Variants in KCNQ1 observed in about 807,000 individuals in gnomAD.
The protein encoded by KCNQ1 is potassium voltage-gated channel subfamily KQT member 1.
A neutral mutation model predicts 72.4 loss-of-function variants in KCNQ1; 49 were observed. That is an observed-to-expected ratio of 0.68 (90% CI 0.54 to 0.86). KCNQ1 has a LOEUF of 0.86. Among genes scored for constraint, KCNQ1 ranks in the 40% least tolerant of loss-of-function variants. The pLI is 0.00. For synonymous variants in KCNQ1, 450 were observed against 412.6 expected (o/e 1.09, Z -1.10); for missense variants, 790 against 945.1 (o/e 0.84, Z 2.15).
Position 2,572,148 on chromosome 11 carries a change from G to C in KCNQ1, c.780+39G>C, listed in dbSNP as rs377589749. ...GTTAGGGGTGCGGGGCCCAGGTTGG[G>C]GACAGGACGGAGGGAGCAGAGCAGC... On this transcript the variant is annotated intron_variant, in intron 5 of 15. Coordinates refer to ENST00000155840, the MANE Select transcript of KCNQ1 (RefSeq NM_000218.3). The C allele has an allele frequency of 7.8e-4, 1,155 of 1,486,206 alleles. 11 individuals are homozygous for C. In the African/African-American group the frequency reaches 0.014, roughly 18 times the overall value. 92.1% of individuals were successfully genotyped at this position (1,486,206 alleles called of 1,614,324 possible). A position where few individuals can be genotyped will look rare whatever the true frequency, so the allele number is the denominator to read the frequency against.
chr11:2,760,861 G>A (rs531661073), intron 11 of KCNQ1, among the ~76,000 whole-genome samples: 18 of 152,346 alleles, frequency 1.2e-4, no homozygotes, highest in Non-Finnish European at 2.1e-4. Flanking sequence ...GCATACAGTC[G>A]GACAGGTTGT....
chr11:2,525,174 GA>G (rs1444138919), intron 1 of KCNQ1, among the ~76,000 whole-genome samples: 1 of 152,210 alleles, frequency 6.6e-6, no homozygotes, highest in Non-Finnish European at 1.5e-5. Flanking sequence ...TAAGAACCTG[GA>G]GGGAACCCTG....
At chr11:2,847,490 G>A (rs1419403398) in intron 15 of KCNQ1, among the ~76,000 whole-genome samples, 1 of 152,222 alleles carries the variant, frequency 6.6e-6, no homozygotes, top group Non-Finnish European at 1.5e-5. Flanking sequence ...GAGAGCTCCT[G>A]GCCCTGAGCC....
At chr11:2,686,633 C>T (rs1850494477) in intron 11 of KCNQ1, 1 of 398,616 alleles carries the variant, frequency 2.5e-6, no homozygotes, top group Admixed American at 4.4e-5. Context: ...GCCCTCAGGC[C>T]CAGGCTGCAC....
Position 2,845,738 on chromosome 11 carries a change from G to A in KCNQ1, c.1795-2029G>A, listed in dbSNP as rs1848312925. Among the ~76,000 whole-genome samples the A allele has an allele frequency of 2.0e-5, 3 of 152,308 alleles. No homozygotes were observed. The South Asian group carries it at 6.2e-4, about 32-fold the overall frequency. Reference sequence around the variant, plus strand: ...ACTGCAGCCCCCACCACCCAGGGCTGGAAGTGGGTCCCCTGGGCTCCTGCT... The same window carrying A: ...ACTGCAGCCCCCACCACCCAGGGCTAGAAGTGGGTCCCCTGGGCTCCTGCT... On this transcript the variant is annotated intron_variant, in intron 15 of 15. Transcript: ENST00000155840.
Position 2,671,583 on chromosome 11 carries a change from C to A in KCNQ1, c.1514+9502C>A. 1 of 398,624 alleles carries A rather than the reference C, an allele frequency of 2.5e-6. No individual in the cohort carries two copies. Among genetic ancestry groups the A allele is most frequent in the Non-Finnish European group, 4.4e-6 (1 of 226,060 alleles). The allele number at this position is 398,624 out of a possible 1,614,324, so 24.7% of individuals were successfully genotyped here. A position where few individuals can be genotyped will look rare whatever the true frequency, so the allele number is the denominator to read the frequency against. On this transcript the variant is annotated intron_variant, in intron 11 of 15. Transcript: ENST00000155840. The surrounding 1 kb of genome is among the most constrained non-coding windows in gnomAD (Gnocchi z 4.7). ...AAGTCTTTGGCACTGAGCATTTATACAAGATCAGACTGCACTGCACCCTAA... is the reference window on the plus strand; with the variant it reads ...AAGTCTTTGGCACTGAGCATTTATAAAAGATCAGACTGCACTGCACCCTAA...
At chr11:2,736,156 G>A (rs988477727) in intron 11 of KCNQ1, among the ~76,000 whole-genome samples, 3 of 152,206 alleles carry the variant, frequency 2.0e-5, no homozygotes, top group Non-Finnish European at 2.9e-5. Context: ...AGGGGCCCAG[G>A]CTTCCTGCCT....
intron 11 of KCNQ1, among the ~76,000 whole-genome samples, chr11:2,716,284 C>T (rs762194480): frequency 4.6e-5 from 7 of 152,160 alleles, no homozygotes; most frequent in South Asian, 2.1e-4. Flanking sequence ...CAAGCTGAAG[C>T]GCCCACACCT....
rs963484650 is a variant in KCNQ1 at position 2,587,502 on chromosome 11, G to A, written c.1129-68G>A. On this transcript the variant is annotated intron_variant, in intron 8 of 15. Coordinates refer to ENST00000155840, the MANE Select transcript of KCNQ1 (RefSeq NM_000218.3). ...GCCTGGGGAACAGGGAGGGGGAGCTGTAGCTTCCATAAGGGCCCCCGCCGG... is the reference window on the plus strand; with the variant it reads ...GCCTGGGGAACAGGGAGGGGGAGCTATAGCTTCCATAAGGGCCCCCGCCGG... 29 of 1,605,336 alleles carry A rather than the reference G, an allele frequency of 1.8e-5. 1 individual carries two copies. The African/African-American group carries it at 2.5e-4, about 14-fold the overall frequency.
In KCNQ1 at chr11:2,477,476, G is replaced by C. The variant is rs1160236132; in HGVS notation, c.386+31992G>C. Among the ~76,000 whole-genome samples the C allele has an allele frequency of 2.0e-5, 3 of 152,126 alleles. No homozygotes were observed. Among genetic ancestry groups the C allele is most frequent in the African/African-American group, 7.2e-5 (3 of 41,408 alleles). On this transcript the variant is annotated intron_variant, in intron 1 of 15. Transcript: ENST00000155840. This position sits in a 1 kb window ranked among gnomAD's most constrained non-coding sequence, Gnocchi z 5.0. ...TGGGCAGGGTGCCCAGGTTAGCTGT[G>C]AACAAAGTGATCTCTCTGCTGCCTC...
In KCNQ1 at chr11:2,808,609, T is replaced by C. The variant is rs192901439; in HGVS notation, c.1794+30572T>C. On this transcript the variant is annotated intron_variant, in intron 15 of 15. Transcript: ENST00000155840. This position sits in a 1 kb window ranked among gnomAD's most constrained non-coding sequence, Gnocchi z 6.0. ...GTTGGTTGATTGAGTGATTGATTGATTGATAATCTTGGTTCTATTTGAATT... is the reference window on the plus strand; with the variant it reads ...GTTGGTTGATTGAGTGATTGATTGACTGATAATCTTGGTTCTATTTGAATT... 1.3e-5 allele frequency among the ~76,000 whole-genome samples: 2 copies of C among 152,318 alleles called. No homozygotes were observed. The highest frequency in any genetic ancestry group is 6.5e-5 in the Admixed American group (1 of 15,310).
At chr11:2,847,260 TTGC>T (rs1284421808) in intron 15 of KCNQ1, among the ~76,000 whole-genome samples, 2 of 152,336 alleles carry the variant, frequency 1.3e-5, no homozygotes, top group Admixed American at 1.3e-4. Context: ...TGAGCCAGCC[TTGC>T]TGAACTCTGC....
chr11:2,841,848 G>C (rs1848220086), intron 15 of KCNQ1, among the ~76,000 whole-genome samples: 1 of 152,202 alleles, frequency 6.6e-6, no homozygotes, highest in African/African-American at 2.4e-5. Context: ...TCAGCAGCAG[G>C]GGGAAGGGTC....
intron 10 of KCNQ1, among the ~76,000 whole-genome samples, chr11:2,604,153 A>C (rs902755493): frequency 1.3e-5 from 2 of 152,070 alleles, no homozygotes; most frequent in African/African-American, 4.8e-5. Flanking sequence ...TTGTGTGGAC[A>C]TGTGTTTTCA....
At position 2,777,683 on chromosome 11, in the gene KCNQ1, C is replaced by T. The variant is rs1200036221; in HGVS notation, c.1733-293C>T. The T allele has an allele frequency of 8.3e-6, 5 of 602,074 alleles. No individual in the cohort carries two copies. The Admixed American group carries it at 1.5e-4, about 18-fold the overall frequency. 37.3% of individuals were successfully genotyped at this position (602,074 alleles called of 1,614,324 possible). A position where few individuals can be genotyped will look rare whatever the true frequency, so the allele number is the denominator to read the frequency against. Reference sequence around the variant, plus strand: ...CGCCCTGGGAGTGGAATGGCATGGGCTTGCACAGCTGGCAGTGTGGCCAGC... The same window carrying T: ...CGCCCTGGGAGTGGAATGGCATGGGTTTGCACAGCTGGCAGTGTGGCCAGC... On this transcript the variant is annotated intron_variant, in intron 14 of 15. Coordinates refer to ENST00000155840, the MANE Select transcript of KCNQ1 (RefSeq NM_000218.3).
intron 15 of KCNQ1, among the ~76,000 whole-genome samples, chr11:2,790,618 C>A (rs1038431311): frequency 6.6e-6 from 1 of 152,270 alleles, no homozygotes; most frequent in East Asian, 1.9e-4. Flanking sequence ...AGCTCTGCCC[C>A]CTACACGCGA....
Position 2,541,495 on chromosome 11 carries a change from GGTTA to G in KCNQ1, c.477+13481_477+13484del, listed in dbSNP as rs1338139622. 6.6e-6 allele frequency among the ~76,000 whole-genome samples: 1 copy of G among 152,036 alleles called. No homozygotes were observed. The highest frequency in any genetic ancestry group is 2.4e-5 in the African/African-American group (1 of 41,382). On this transcript the variant is annotated intron_variant, in intron 2 of 15. Coordinates refer to ENST00000155840, the MANE Select transcript of KCNQ1 (RefSeq NM_000218.3). This position sits in a 1 kb window ranked among gnomAD's most constrained non-coding sequence, Gnocchi z 4.8. ...GGGACTGAGCTGGGCCCTTTTCGTT[GGTTA>G]GTTCTCAGTGTGGCCTACCCAGCCA...
In KCNQ1 at chr11:2,769,654, G is replaced by A. The variant is rs948657718; in HGVS notation, c.1590+735G>A. Among the ~76,000 whole-genome samples, 1 of 152,208 alleles carries A rather than the reference G, an allele frequency of 6.6e-6. No homozygotes were observed. The highest frequency in any genetic ancestry group is 2.4e-5 in the African/African-American group (1 of 41,458). On this transcript the variant is annotated intron_variant, in intron 12 of 15. Coordinates refer to ENST00000155840, the MANE Select transcript of KCNQ1 (RefSeq NM_000218.3). This position sits in a 1 kb window ranked among gnomAD's most constrained non-coding sequence, Gnocchi z 4.6. ...ACTGAGTCCTGGCTTGGAAATACAT[G>A]TGTAGGTGTGGGAACCCCGTATCCT...
chr11:2,487,397 C>A (rs1846757691), intron 1 of KCNQ1, among the ~76,000 whole-genome samples: 1 of 152,064 alleles, frequency 6.6e-6, no homozygotes. Flanking sequence ...ATGGGTTTTT[C>A]TATTTTTGCA....
Sources: gnomAD v4.1 joint callset for allele counts (sites outside exome capture counted in the v4.1 genomes callset) on GRCh38, gnomAD v4.1.1 for gene constraint, Gnocchi (gnomAD v3.1) non-coding constraint, MANE v1.5 for transcripts, NCBI Gene and HGNC (gene_info 2026-07-23, HGNC 2026-07-21) for gene names.